Variants in IMPA2 observed in about 807,000 individuals in gnomAD.
IMPA2 encodes inositol monophosphatase 2, also known as IMP 2.
A neutral mutation model predicts 35.1 loss-of-function variants in IMPA2; 32 were observed. The ratio of observed to expected loss-of-function variants is 0.91; its 90% CI spans 0.69 to 1.23. IMPA2 has a LOEUF of 1.23. Ranked by LOEUF, IMPA2 falls within the 50% of genes most tolerant of loss-of-function variation. The pLI, the probability that IMPA2 is intolerant of heterozygous loss-of-function variation, is 0.00. For missense variants in IMPA2, 334 were observed against 387.6 expected (o/e 0.86, Z 1.16); for synonymous variants, 135 against 160.6 (o/e 0.84, Z 1.20).
At chr18:12,007,358 G>A (rs552284239) in intron 2 of IMPA2, among the ~76,000 whole-genome samples, 59 of 152,278 alleles carry the variant, frequency 3.9e-4, no homozygotes, top group African/African-American at 1.4e-3. Context: ...AGCCATATGC[G>A]GTGACTGGCT....
At chr18:12,013,486 G>A (rs1356936754) in intron 4 of IMPA2, among the ~76,000 whole-genome samples, 1 of 152,206 alleles carries the variant, frequency 6.6e-6, no homozygotes, top group African/African-American at 2.4e-5. Context: ...TCACCCCAGG[G>A]CCAGCCAAGG....
At chr18:12,013,809 G>T (rs1297130951) in intron 4 of IMPA2, among the ~76,000 whole-genome samples, 1 of 152,186 alleles carries the variant, frequency 6.6e-6, no homozygotes, top group African/African-American at 2.4e-5. Context: ...CCTCGCTGGG[G>T]CTGTCCTTGG....
At chr18:12,026,856 C>T (rs573448150) in intron 5 of IMPA2, among the ~76,000 whole-genome samples, 45 of 152,354 alleles carry the variant, frequency 3.0e-4, no homozygotes, top group African/African-American at 9.6e-4. Context: ...AGCTCAGCTT[C>T]AGTGCTGGGC....
intron 4 of IMPA2, among the ~76,000 whole-genome samples, chr18:12,012,739 A>G (rs615026): frequency 0.99 from 150,780 of 152,300 alleles, 74,649 homozygotes; most frequent in East Asian, 1. Flanking sequence ...AGCTTATTAA[A>G]TAATTCAAGC....
chr18:12,026,329 G>A (rs1907882213), intron 5 of IMPA2, among the ~76,000 whole-genome samples: 2 of 152,112 alleles, frequency 1.3e-5, no homozygotes, highest in African/African-American at 2.4e-5. Context: ...CATCGCGCCC[G>A]ACCAAAAGAG....
At position 12,008,265 on chromosome 18, in the gene IMPA2, G is replaced by A. The variant is rs1294701197; in HGVS notation, c.231-1618G>A. ...CCCGCCTTGGCCTCCCACAGTGCTG[G>A]GATTACAGGCGTGAGCCACCGCGCC... On this transcript the variant is annotated intron_variant, in intron 2 of 7. Transcript: ENST00000269159. 8.2e-6 allele frequency: 4 copies of A among 490,006 alleles called. No individual in the cohort carries two copies. In the East Asian group the frequency reaches 2.3e-4, roughly 28 times the overall value. 30.4% of individuals were successfully genotyped at this position (490,006 alleles called of 1,614,324 possible).
rs568705494 is a variant in IMPA2 at position 12,018,966 on chromosome 18, G to C, written c.490+4593G>C. ...AGCCTCCCAAGTAGCTAGGACTACAGGTGCTCACCACCATGCCCGGATAAT... is the reference window on the plus strand; with the variant it reads ...AGCCTCCCAAGTAGCTAGGACTACACGTGCTCACCACCATGCCCGGATAAT... On this transcript the variant is annotated intron_variant, in intron 5 of 7. Transcript: ENST00000269159. Among the ~76,000 whole-genome samples the C allele has an allele frequency of 3.9e-5, 6 of 152,144 alleles. No individual in the cohort carries two copies. In the East Asian group the frequency reaches 1.2e-3, roughly 29 times the overall value.
At chr18:12,013,213 T>C (rs1907481368) in intron 4 of IMPA2, among the ~76,000 whole-genome samples, 1 of 152,172 alleles carries the variant, frequency 6.6e-6, no homozygotes, top group Admixed American at 6.5e-5. Flanking sequence ...TCCTGGCTTT[T>C]CGTGGTGGGC....
At chr18:12,024,619 T>G (rs1907828013) in intron 5 of IMPA2, among the ~76,000 whole-genome samples, 1 of 152,190 alleles carries the variant, frequency 6.6e-6, no homozygotes. Flanking sequence ...CTGGGACAAT[T>G]CATTCTTCCT....
chr18:11,999,110 A>C lies in IMPA2; in HGVS notation c.153A>C (p.Ala51=). The change falls in exon 2 of 8, where the codon GCA becomes GCC. Residue 51 remains alanine, a synonymous_variant. Coordinates refer to ENST00000269159, the MANE Select transcript of IMPA2 (RefSeq NM_014214.3). ...GTGTCTCAACAAAAACATCAGCTGC[A>C]GATCTTGTGACAGAAACAGATCACC... ...EKRVSTKTSA[A]DLVTETDHLV... 1 of 1,613,722 alleles carries C rather than the reference A, an allele frequency of 6.2e-7. No individual in the cohort carries two copies. Among genetic ancestry groups the C allele is most frequent in the South Asian group, 1.1e-5 (1 of 91,064 alleles).
Position 11,991,224 on chromosome 18 carries a change from C to T in IMPA2, c.97-7830C>T, listed in dbSNP as rs1033404061. On this transcript the variant is annotated intron_variant, in intron 1 of 7. Transcript: ENST00000269159. The surrounding 1 kb of genome is among the most constrained non-coding windows in gnomAD (Gnocchi z 4.1). ...GGGAATGCAGCTGGGATGTGGGTGA[C>T]GGGTGGCTGCTGGCATTGGTATGGA... 5.9e-5 allele frequency among the ~76,000 whole-genome samples: 9 copies of T among 152,224 alleles called. No homozygotes were observed. Among genetic ancestry groups the T allele is most frequent in the South Asian group, 2.1e-4 (1 of 4,818 alleles).
intron 1 of IMPA2, among the ~76,000 whole-genome samples, chr18:11,983,240 C>T (rs1483202741): frequency 1.3e-5 from 2 of 152,220 alleles, no homozygotes; most frequent in South Asian, 2.1e-4. Context: ...TCAGTGCAAG[C>T]GTTCTTCCTG....
At position 11,991,313 on chromosome 18, in the gene IMPA2, C is replaced by T. The variant is rs755102211; in HGVS notation, c.97-7741C>T. ...ATCAAGGTGAGGGGAAAAATAGCCA[C>T]GAGACTAAAGGAGGCGTTGAGGATT... On this transcript the variant is annotated intron_variant, in intron 1 of 7. Transcript: ENST00000269159. This position sits in a 1 kb window ranked among gnomAD's most constrained non-coding sequence, Gnocchi z 4.1. Among the ~76,000 whole-genome samples the T allele has an allele frequency of 6.6e-6, 1 of 152,082 alleles. No homozygotes were observed. The highest frequency in any genetic ancestry group is 6.6e-5 in the Admixed American group (1 of 15,266).
In IMPA2 at chr18:12,030,289, T is replaced by C. The variant is rs920457415; in HGVS notation, c.752-54T>C. On this transcript the variant is annotated intron_variant, in intron 7 of 7. Coordinates refer to ENST00000269159, the MANE Select transcript of IMPA2 (RefSeq NM_014214.3). ...ATGTGGGATAAGTTGTTACACAACATTGTTCAGCCCTCTCTGGTAACCCGG... is the reference window on the plus strand; with the variant it reads ...ATGTGGGATAAGTTGTTACACAACACTGTTCAGCCCTCTCTGGTAACCCGG... 11 of 1,351,930 alleles carry C rather than the reference T, an allele frequency of 8.1e-6. No individual in the cohort carries two copies. The Admixed American group carries it at 1.2e-4, about 15-fold the overall frequency. The allele number at this position is 1,351,930 out of a possible 1,614,324, so 83.7% of individuals were successfully genotyped here. A position where few individuals can be genotyped will look rare whatever the true frequency, so the allele number is the denominator to read the frequency against.
Position 11,991,837 on chromosome 18 carries a change from C to T in IMPA2, c.97-7217C>T, listed in dbSNP as rs190226398. Among the ~76,000 whole-genome samples the T allele has an allele frequency of 6.8e-6, 1 of 147,010 alleles. No individual in the cohort carries two copies. The highest frequency in any genetic ancestry group is 2.1e-4 in the East Asian group (1 of 4,838). On this transcript the variant is annotated intron_variant, in intron 1 of 7. Transcript: ENST00000269159. The surrounding 1 kb of genome is among the most constrained non-coding windows in gnomAD (Gnocchi z 4.1). The stretch of plus-strand genomic sequence containing the variant: ...AGATGCTGATGCCCTCGCAGAAACA[C>T]CCAGAACAATTTTTTTTTTTTTTTG...
chr18:12,017,834 CT>C (rs1281919744), intron 5 of IMPA2: 6 of 338,940 alleles, frequency 1.8e-5, no homozygotes, highest in Non-Finnish European at 2.3e-5. Flanking sequence ...TCAAGTGAGC[CT>C]TTTGCCTCGG....
chr18:11,997,181 A>G (rs1342764221), intron 1 of IMPA2, among the ~76,000 whole-genome samples: 1 of 152,244 alleles, frequency 6.6e-6, no homozygotes, highest in Non-Finnish European at 1.5e-5. Flanking sequence ...AGGGTCCTGG[A>G]CCATGGGCAG....
chr18:11,996,602 T>G (rs1906964961), intron 1 of IMPA2, among the ~76,000 whole-genome samples: 1 of 152,102 alleles, frequency 6.6e-6, no homozygotes, highest in Admixed American at 6.5e-5. Context: ...CTAGTGGCTC[T>G]CTTCACGTGG....
chr18:12,000,899 T>G (rs898255057), intron 2 of IMPA2, among the ~76,000 whole-genome samples: 2 of 149,052 alleles, frequency 1.3e-5, no homozygotes, highest in Admixed American at 6.7e-5. Context: ...ACAGGTGTGA[T>G]CCACTACGCC....
Sources: allele counts gnomAD v4.1 joint callset (sites outside exome capture counted in the v4.1 genomes callset), GRCh38; gene constraint gnomAD v4.1.1; non-coding constraint Gnocchi (gnomAD v3.1); transcripts MANE v1.5; gene names NCBI Gene and HGNC (gene_info 2026-07-23, HGNC 2026-07-21).